HSPA13: variants seen among roughly 807,000 people sequenced by gnomAD.
HSPA13 encodes the protein heat shock protein family A (Hsp70) member 13.
In HSPA13, 29 loss-of-function variants were observed where a neutral mutation model predicts 38.8. The ratio of observed to expected loss-of-function variants is 0.75; its 90% CI spans 0.56 to 1.02. The LOEUF is 1.02. Ranked by LOEUF, HSPA13 falls within the 50% of genes least tolerant of loss-of-function variation. The pLI is 0.00. For synonymous variants in HSPA13, 192 were observed against 205.3 expected (o/e 0.94, Z 0.56); for missense variants, 451 against 560.9 (o/e 0.80, Z 1.98).
chr21:14,381,689 C>T, intron 1 of HSPA13, 146 bp from the exon 2 acceptor site: 1 of 557,708 alleles, frequency 1.8e-6, no homozygotes, highest in East Asian at 2.9e-5. Context: ...GCTGATAGCA[C>T]TCCTCTCAGA....
Position 14,375,790 on chromosome 21 carries a change from G to A in HSPA13, c.610C>T (p.Pro204Ser), listed in dbSNP as rs1369927348. The A allele has an allele frequency of 1.2e-6, 2 of 1,613,680 alleles. No homozygotes were observed. The highest frequency in any genetic ancestry group is 1.3e-5 in the African/African-American group (1 of 74,894). The stretch of plus-strand genomic sequence containing the variant: ...CCATAGGCCATAGCTGCTGCTGTGG[G>A]TTCATTTATTACCCTCAAAATCTTC... ...GLKILRVINE[P>S]TAAAMAYGLH... is the part of the protein sequence containing the mutation. The change falls in exon 4 of 5, where the codon CCC becomes TCC. Residue 204 changes from proline (P) to serine (S), a missense_variant. Physicochemically the swap from Pro to Ser is moderately conservative, Grantham distance 74 (BLOSUM62 -1). Coordinates refer to ENST00000285667, the MANE Select transcript of HSPA13 (RefSeq NM_006948.5).
intron 4 of HSPA13, among the ~76,000 whole-genome samples, chr21:14,375,325 T>C (rs971437361): frequency 1.3e-5 from 2 of 152,054 alleles, no homozygotes; most frequent in African/African-American, 4.8e-5. Context: ...TTTTTGAGAT[T>C]TAACTTTTTG....
At chr21:14,378,523 ATC>A in intron 2 of HSPA13, 111 bp from the exon 3 acceptor site, 1 of 674,972 alleles carries the variant, frequency 1.5e-6, no homozygotes, top group Non-Finnish European at 2.5e-6. Context: ...TCTTTACAAA[ATC>A]AAAAAATGCA....
Position 14,381,251 on chromosome 21 carries a change from A to G in HSPA13, c.318T>C (p.Ile106=), listed in dbSNP as rs1984159920. 6.2e-7 allele frequency: 1 copy of G among 1,611,590 alleles called. No individual in the cohort carries two copies. Among genetic ancestry groups the G allele is most frequent in the African/African-American group, 1.3e-5 (1 of 74,920 alleles). The change falls in exon 2 of 5, where the codon ATT becomes ATC. Residue 106 remains isoleucine, a synonymous_variant. Coordinates refer to ENST00000285667, the MANE Select transcript of HSPA13 (RefSeq NM_006948.5). The stretch of plus-strand genomic sequence containing the variant: ...CAGCCTCCAACTCTTCTGCGGTAAA[A>G]ATCTTGCCTATGAATCTTTTGGCAT... ...IYDAKRFIGK[I]FTAEELEAEI...
intron 4 of HSPA13, among the ~76,000 whole-genome samples, chr21:14,375,178 A>C (rs1409095073): frequency 6.6e-6 from 1 of 152,166 alleles, no homozygotes; most frequent in Non-Finnish European, 1.5e-5. Context: ...AAATATACTG[A>C]TCACCCTTCA....
At position 14,382,806 on chromosome 21, in the gene HSPA13, A is replaced by G. The variant is rs528719190; in HGVS notation, c.25+289T>C. 6.4e-4 allele frequency among the ~76,000 whole-genome samples: 97 copies of G among 152,138 alleles called. 2 individuals carry two copies. The highest frequency in any genetic ancestry group is 2.3e-3 in the African/African-American group (94 of 41,502). On this transcript the variant is annotated intron_variant, in intron 1 of 4. Coordinates refer to ENST00000285667, the MANE Select transcript of HSPA13 (RefSeq NM_006948.5). ...TTGCCCCAATTCAACAGGCAATTCA[A>G]AAACCTAGGTGCTGTTGAAAGGAAC...
At chr21:14,379,078 C>CT (rs1190533770) in intron 2 of HSPA13, among the ~76,000 whole-genome samples, 2 of 151,992 alleles carry the variant, frequency 1.3e-5, no homozygotes, top group Admixed American at 6.6e-5. Context: ...AATCTTTTCC[C>CT]TTTTTTTCCC....
intron 3 of HSPA13, among the ~76,000 whole-genome samples, chr21:14,377,116 G>A (rs1483744668): frequency 6.6e-6 from 1 of 152,178 alleles, no homozygotes; most frequent in Non-Finnish European, 1.5e-5. Context: ...GTAGTTTACA[G>A]GACAGTCCTC....
At position 14,383,077 on chromosome 21, in the gene HSPA13, G is replaced by A. The variant is rs375797177; in HGVS notation, c.25+18C>T. On this transcript the variant is annotated intron_variant, in intron 1 of 4. Transcript: ENST00000285667. ...GCCTCTACGCCCGCAAGAGCAACAA[G>A]GACCCCCGGGAACCCACCTAAGATC... 1 of 1,613,852 alleles carries A rather than the reference G, an allele frequency of 6.2e-7. No homozygotes were observed. The highest frequency in any genetic ancestry group is 1.3e-5 in the African/African-American group (1 of 74,892).
intron 4 of HSPA13, 48 bp from the exon 5 acceptor site, chr21:14,374,332 TGTATACAC>T: frequency 7.6e-7 from 1 of 1,314,048 alleles, no homozygotes; most frequent in East Asian, 2.3e-5. Context: ...TATGTGTGTA[TGTATACAC>T]GTATGTTATT....
intron 2 of HSPA13, among the ~76,000 whole-genome samples, chr21:14,379,713 C>G (rs138720075): frequency 2.0e-5 from 3 of 152,016 alleles, no homozygotes; most frequent in Non-Finnish European, 4.4e-5. Flanking sequence ...CTAAGAAATG[C>G]AGGGAGCAAT....
At chr21:14,380,180 A>G (rs1425062660) in intron 2 of HSPA13, among the ~76,000 whole-genome samples, 1 of 152,070 alleles carries the variant, frequency 6.6e-6, no homozygotes, top group Non-Finnish European at 1.5e-5. Context: ...GGGAAAAAAA[A>G]GTAGCAGTGG....
chr21:14,375,649 T>C lies in HSPA13; in HGVS notation c.748+3A>G. The C allele has an allele frequency of 6.2e-7, 1 of 1,612,720 alleles. No homozygotes were observed. Among genetic ancestry groups the C allele is most frequent in the Non-Finnish European group, 8.5e-7 (1 of 1,179,014 alleles). On this transcript the variant is annotated splice_donor_region_variant and intron_variant, in intron 4 of 4. Transcript: ENST00000285667. ...GCCCAGCCTCTCCCTGCATTTTTCT[T>C]ACCAGACATTGCTCGGGTTAGAAAC...
intron 2 of HSPA13, among the ~76,000 whole-genome samples, chr21:14,380,620 T>C (rs1984144105): frequency 6.6e-6 from 1 of 152,130 alleles, no homozygotes; most frequent in African/African-American, 2.4e-5. Context: ...ACGTACACAT[T>C]TGACCTATCA....
chr21:14,381,198 C>T lies in HSPA13; in HGVS notation c.366+5G>A. On this transcript the variant is annotated splice_donor_5th_base_variant and intron_variant, in intron 2 of 4. Coordinates refer to ENST00000285667, the MANE Select transcript of HSPA13 (RefSeq NM_006948.5). ...ATTAATATAGATTTTAGATTAATCA[C>T]TTACCTTAAATGGGTATCTGCCAAT... 1 of 1,578,508 alleles carries T rather than the reference C, an allele frequency of 6.3e-7. No individual in the cohort carries two copies. Among genetic ancestry groups the T allele is most frequent in the Non-Finnish European group, 8.6e-7 (1 of 1,159,050 alleles).
chr21:14,382,546 C>A (rs1254230739), intron 1 of HSPA13, among the ~76,000 whole-genome samples: 1 of 151,966 alleles, frequency 6.6e-6, no homozygotes, highest in African/African-American at 2.4e-5. Flanking sequence ...GAAATAAAAC[C>A]AAGTGCGAAT....
intron 3 of HSPA13, among the ~76,000 whole-genome samples, chr21:14,377,015 A>G (rs974963223): frequency 2.6e-5 from 4 of 152,212 alleles, no homozygotes; most frequent in African/African-American, 7.2e-5. Flanking sequence ...ATCTGGCAAC[A>G]TATGGAGACA....
chr21:14,376,796 A>T (rs907981814), intron 3 of HSPA13, among the ~76,000 whole-genome samples: 2 of 152,256 alleles, frequency 1.3e-5, no homozygotes, highest in African/African-American at 4.8e-5. Context: ...CTGCATGGTT[A>T]AGTATTTTGC....
intron 4 of HSPA13, among the ~76,000 whole-genome samples, chr21:14,374,834 CT>C (rs756718071): frequency 2.0e-5 from 3 of 152,216 alleles, no homozygotes; most frequent in Admixed American, 6.5e-5. Flanking sequence ...TATTTAATCT[CT>C]TTTTTTCCTT....
Sources: allele counts gnomAD v4.1 joint callset (sites outside exome capture counted in the v4.1 genomes callset), GRCh38; gene constraint gnomAD v4.1.1; transcripts MANE v1.5; gene names NCBI Gene and HGNC (gene_info 2026-07-23, HGNC 2026-07-21).